Variants in GRIK2 observed in about 807,000 individuals in gnomAD.
The protein encoded by GRIK2 is glutamate ionotropic receptor kainate type subunit 2.
A neutral mutation model predicts 100.3 loss-of-function variants in GRIK2; 32 were observed. That is an observed-to-expected ratio of 0.32 (90% confidence interval 0.24 to 0.43). GRIK2 has a LOEUF of 0.43. GRIK2 is among the 20% of genes least tolerant of loss of function. The probability of loss-of-function intolerance (pLI) is 1.00; values close to 1 mark genes in which losing one functional copy is unlikely to be tolerated. For missense variants in GRIK2, 843 were observed against 1,114.9 expected (o/e 0.76, Z 3.47); for synonymous variants, 417 against 389.4 (o/e 1.07, Z -0.83).
intron 9 of GRIK2, among the ~76,000 whole-genome samples, chr6:101,813,123 A>G (rs114839581): frequency 0.046 from 7,011 of 152,124 alleles, 189 homozygotes; most frequent in Non-Finnish European, 0.058. Flanking sequence ...CTACATAGAC[A>G]TATGTAAACA....
At chr6:101,570,724 T>C (rs1306343594) in intron 2 of GRIK2, among the ~76,000 whole-genome samples, 1 of 152,178 alleles carries the variant, frequency 6.6e-6, no homozygotes, top group African/African-American at 2.4e-5. Context: ...TTTGCACATG[T>C]CTGATCAAGG....
chr6:101,507,459 G>A (rs190170037), intron 2 of GRIK2, among the ~76,000 whole-genome samples: 59 of 151,924 alleles, frequency 3.9e-4, no homozygotes, highest in South Asian at 2.7e-3. Flanking sequence ...TTCAGGCTAC[G>A]TTTCTTTTGA....
chr6:101,956,859 C>CAT (rs200926433), intron 14 of GRIK2, among the ~76,000 whole-genome samples: 47,256 of 146,684 alleles, frequency 0.32, 9,428 homozygotes, highest in South Asian at 0.47. Flanking sequence ...TAGATATATA[C>CAT]ATATATATAT....
intron 14 of GRIK2, among the ~76,000 whole-genome samples, chr6:102,004,977 G>A (rs946906833): frequency 3.3e-5 from 5 of 151,474 alleles, no homozygotes; most frequent in African/African-American, 1.2e-4. Flanking sequence ...TTTAATTTGT[G>A]TAGGTGGCAG....
chr6:101,440,504 A>C (rs929412964), intron 2 of GRIK2, among the ~76,000 whole-genome samples: 2 of 152,170 alleles, frequency 1.3e-5, no homozygotes, highest in Non-Finnish European at 2.9e-5. Flanking sequence ...ACTAATTCTA[A>C]GACTGATCAA....
chr6:101,784,710 T>C (rs1779314683), intron 7 of GRIK2, among the ~76,000 whole-genome samples: 1 of 152,152 alleles, frequency 6.6e-6, no homozygotes, highest in Non-Finnish European at 1.5e-5. Flanking sequence ...GTTTTATAAG[T>C]GGCAGTTTTC....
chr6:101,640,596 G>A (rs1333073635), intron 4 of GRIK2, among the ~76,000 whole-genome samples: 2 of 152,242 alleles, frequency 1.3e-5, no homozygotes, highest in South Asian at 2.1e-4. Context: ...GATTTGGGAA[G>A]GGGGATGATT....
At chr6:101,651,422 A>T (rs1781786112) in intron 4 of GRIK2, among the ~76,000 whole-genome samples, 1 of 152,186 alleles carries the variant, frequency 6.6e-6, no homozygotes, top group South Asian at 2.1e-4. Flanking sequence ...AGAACTAATC[A>T]GACAAAAATC....
rs1794581202 is a variant in GRIK2 at position 101,995,080 on chromosome 6, A to T, written c.2086-40261A>T. 2.0e-5 allele frequency among the ~76,000 whole-genome samples: 3 copies of T among 151,892 alleles called. No homozygotes were observed. In the Admixed American group the frequency reaches 2.0e-4, roughly 10 times the overall value. ...ACTAAATTGTCTATGAATGTTTCTGAGTGTTGTCTACACAAATTTAAGACA... is the reference window on the plus strand; with the variant it reads ...ACTAAATTGTCTATGAATGTTTCTGTGTGTTGTCTACACAAATTTAAGACA... On this transcript the variant is annotated intron_variant, in intron 14 of 16. Coordinates refer to ENST00000369134, the MANE Select transcript of GRIK2 (RefSeq NM_021956.5).
chr6:101,744,554 AT>A (rs1353934802), intron 7 of GRIK2: 6 of 114,814 alleles, frequency 5.2e-5, no homozygotes, highest in Admixed American at 1.8e-4. Context: ...ATATATATAT[AT>A]ATATCACAAT....
intron 7 of GRIK2, among the ~76,000 whole-genome samples, chr6:101,753,891 A>C (rs1263214362): frequency 1.3e-5 from 2 of 152,060 alleles, no homozygotes; most frequent in Non-Finnish European, 2.9e-5. Context: ...TGTTAATTAA[A>C]ATTATATTAA....
intron 9 of GRIK2, among the ~76,000 whole-genome samples, chr6:101,808,030 T>C (rs1238368546): frequency 6.6e-6 from 1 of 152,068 alleles, no homozygotes. Context: ...GTTTAGAATG[T>C]GTAACCAGGA....
chr6:101,572,752 CTTTTTTT>C lies in GRIK2; in HGVS notation c.116-49184_116-49178del, dbSNP rs200522647. On this transcript the variant is annotated intron_variant, in intron 2 of 16. Transcript: ENST00000369134. Reference sequence around the variant, plus strand: ...ATTTTCTTGTACTTGGCCTCAGTTTCTTTTTTTTTTTTTTTTTTTAGAATCACTTTAA... The same window carrying C: ...ATTTTCTTGTACTTGGCCTCAGTTTCTTTTTTTTTTTTAGAATCACTTTAA... 2.2e-3 allele frequency among the ~76,000 whole-genome samples: 173 copies of C among 79,290 alleles called. 2 individuals carry two copies. Among genetic ancestry groups the C allele is most frequent in the African/African-American group, 6.5e-3 (171 of 26,422 alleles). The allele number at this position is 79,290 out of a possible 152,430, so 52.0% of individuals were successfully genotyped here. A position where few individuals can be genotyped will look rare whatever the true frequency, so the allele number is the denominator to read the frequency against.
chr6:101,910,839 CCACA>C (rs142489212), intron 12 of GRIK2, among the ~76,000 whole-genome samples: 32 of 143,262 alleles, frequency 2.2e-4, no homozygotes, highest in Non-Finnish European at 4.4e-4. Context: ...CCAACATACA[CCACA>C]CACACACACA....
chr6:101,964,168 A>G, intron 14 of GRIK2, among the ~76,000 whole-genome samples: 1 of 150,840 alleles, frequency 6.6e-6, no homozygotes, highest in Non-Finnish European at 1.5e-5. Flanking sequence ...TGTATAATAT[A>G]TACATACTAT....
At chr6:102,028,889 A>G (rs2114398167) in intron 14 of GRIK2, among the ~76,000 whole-genome samples, 2 of 151,042 alleles carry the variant, frequency 1.3e-5, no homozygotes, top group South Asian at 4.2e-4. Context: ...TATTTTAACT[A>G]TTTCTTATCT....
chr6:101,621,176 G>T (rs928658371), intron 2 of GRIK2, among the ~76,000 whole-genome samples: 1 of 152,154 alleles, frequency 6.6e-6, no homozygotes, highest in Non-Finnish European at 1.5e-5. Flanking sequence ...CACAATAAAT[G>T]CACGGTGGCT....
At chr6:101,722,522 C>T (rs1223359453) in intron 7 of GRIK2, among the ~76,000 whole-genome samples, 1 of 152,006 alleles carries the variant, frequency 6.6e-6, no homozygotes. Context: ...CTGATAACAA[C>T]TCATAGCTCA....
chr6:101,561,351 G>A (rs910686), intron 2 of GRIK2, among the ~76,000 whole-genome samples: 110,551 of 151,136 alleles, frequency 0.73, 41,025 homozygotes, highest in Admixed American at 0.79. Context: ...GGCAGAGAAT[G>A]TAATAGTGGT....
Sources: gnomAD v4.1 joint callset for allele counts (sites outside exome capture counted in the v4.1 genomes callset) on GRCh38, gnomAD v4.1.1 for gene constraint, MANE v1.5 for transcripts, NCBI Gene and HGNC (gene_info 2026-07-23, HGNC 2026-07-21) for gene names.